DGKB: variants seen among roughly 807,000 people sequenced by gnomAD.
DGKB encodes 90 kDa diacylglycerol kinase.
Under a neutral mutation model 114.3 loss-of-function variants are expected in DGKB, and 67 were observed. The observed-to-expected ratio is 0.59, with a 90% CI of 0.48 to 0.72. The LOEUF (loss-of-function observed/expected upper bound fraction) is 0.72, where lower values mean the gene tolerates loss of function less well. Ranked by LOEUF, DGKB falls within the 30% of genes least tolerant of loss-of-function variation. The pLI, the probability that DGKB is intolerant of heterozygous loss-of-function variation, is 0.00. For missense variants in DGKB, 907 were observed against 975.2 expected, an observed-to-expected ratio of 0.93 and a Z score of 0.93; for synonymous variants, 398 against 323.1, an observed-to-expected ratio of 1.23 and a Z score of -2.49.
At chr7:14,592,635 T>G (rs1022604822) in intron 17 of DGKB, among the ~76,000 whole-genome samples, 40 of 151,964 alleles carry the variant, frequency 2.6e-4, no homozygotes, top group African/African-American at 9.7e-4. Flanking sequence ...GTACATACCT[T>G]GGTATCATTG....
intron 15 of DGKB, chr7:14,621,172 C>A (rs926762650): frequency 6.6e-6 from 3 of 451,948 alleles, no homozygotes; most frequent in South Asian, 3.5e-5. Flanking sequence ...GAGATAAAAT[C>A]ATAAATGATT....
intron 23 of DGKB, among the ~76,000 whole-genome samples, chr7:14,296,182 C>A (rs1802526953): frequency 6.6e-6 from 1 of 151,996 alleles, no homozygotes; most frequent in South Asian, 2.1e-4. Flanking sequence ...CAGGTGTGTG[C>A]CACCATGCCC....
chr7:14,417,861 T>G (rs772670517), intron 21 of DGKB, among the ~76,000 whole-genome samples: 1 of 151,620 alleles, frequency 6.6e-6, no homozygotes, highest in Admixed American at 6.6e-5. Flanking sequence ...TACCTTGCAG[T>G]AAAAAAGGAG....
intron 17 of DGKB, among the ~76,000 whole-genome samples, 153 bp downstream of exon 17, chr7:14,607,281 T>C (rs1035670538): frequency 6.6e-6 from 1 of 151,886 alleles, no homozygotes; most frequent in African/African-American, 2.4e-5. Flanking sequence ...AAACCAGTAT[T>C]TGCACTCATT....
At chr7:14,501,756 A>T (rs563576203) in intron 20 of DGKB, among the ~76,000 whole-genome samples, 5 of 152,022 alleles carry the variant, frequency 3.3e-5, no homozygotes, top group African/African-American at 1.2e-4. Flanking sequence ...ATGTCATTTT[A>T]TGTTGGATGT....
chr7:14,693,982 T>C, intron 9 of DGKB, 93 bp downstream of exon 9: 1 of 1,424,018 alleles, frequency 7.0e-7, no homozygotes, highest in South Asian at 1.4e-5. Context: ...TGCTTAATGG[T>C]AGAAAATGGT....
intron 2 of DGKB, among the ~76,000 whole-genome samples, chr7:14,820,754 G>T (rs911956659): frequency 2.0e-5 from 3 of 152,096 alleles, no homozygotes; most frequent in African/African-American, 7.2e-5. Flanking sequence ...ATTCTGTTGG[G>T]TTTAAGGCAA....
chr7:14,732,506 T>C (rs1271698495), intron 5 of DGKB, among the ~76,000 whole-genome samples: 1 of 151,930 alleles, frequency 6.6e-6, no homozygotes, highest in African/African-American at 2.4e-5. Flanking sequence ...TTTATTGTTG[T>C]CTATTGTTCC....
chr7:14,652,994 G>A (rs1206432640), intron 13 of DGKB, among the ~76,000 whole-genome samples: 1 of 151,690 alleles, frequency 6.6e-6, no homozygotes, highest in Non-Finnish European at 1.5e-5. Flanking sequence ...TCATTAAAAA[G>A]TCAGGAAACA....
intron 23 of DGKB, among the ~76,000 whole-genome samples, chr7:14,205,096 C>T (rs6949565): frequency 0.3 from 45,221 of 151,580 alleles, 8,998 homozygotes; most frequent in African/African-American, 0.55. Flanking sequence ...GATTGTATAA[C>T]AGCTAGGAAA....
chr7:14,505,528 T>C lies in DGKB; in HGVS notation c.1771-27303A>G, dbSNP rs534068652. 9.9e-5 allele frequency among the ~76,000 whole-genome samples: 15 copies of C among 152,224 alleles called. No homozygotes were observed. In the South Asian group the frequency reaches 2.9e-3, roughly 29 times the overall value. On this transcript the variant is annotated intron_variant, in intron 20 of 25. Coordinates refer to ENST00000402815, the MANE Select transcript of DGKB (RefSeq NM_001350709.2). ...CTCATTGTCATTACAGACTCACTTC[T>C]ACCTTTCACAACTTTGCTGCCTTGT...
chr7:14,301,491 C>G (rs528608827), intron 23 of DGKB, among the ~76,000 whole-genome samples: 48 of 152,234 alleles, frequency 3.2e-4, no homozygotes, highest in African/African-American at 8.9e-4. Context: ...AATTTGCATT[C>G]CATCTTCAAA....
intron 2 of DGKB, among the ~76,000 whole-genome samples, chr7:14,782,554 T>A (rs1043461125): frequency 6.6e-6 from 1 of 152,146 alleles, no homozygotes; most frequent in Non-Finnish European, 1.5e-5. Context: ...AATATTAACT[T>A]CTTGGAAAAA....
intron 23 of DGKB, among the ~76,000 whole-genome samples, chr7:14,249,076 G>GT (rs770925374): frequency 2.7e-5 from 4 of 150,766 alleles, no homozygotes; most frequent in East Asian, 3.8e-4. Flanking sequence ...TTTTTCACAT[G>GT]TTTTTTCAGC....
chr7:14,630,156 C>T, intron 14 of DGKB, 80 bp downstream of exon 14: 1 of 888,654 alleles, frequency 1.1e-6, no homozygotes, highest in Non-Finnish European at 1.6e-6. Flanking sequence ...ACTGAGCCAG[C>T]ACAAAATGTT....
At chr7:14,850,234 C>T (rs1020579076) in intron 1 of DGKB, among the ~76,000 whole-genome samples, 3 of 152,172 alleles carry the variant, frequency 2.0e-5, no homozygotes, top group Admixed American at 1.3e-4. Flanking sequence ...CATGATGAAA[C>T]TGAGTACAGG....
chr7:14,392,995 G>GTTTTTGTTTTTTTTTTTTT lies in DGKB; in HGVS notation c.1836-47605_1836-47604insAAAAAAAAAAAAACAAAAA. Among the ~76,000 whole-genome samples the GTTTTTGTTTTTTTTTTTTT allele has an allele frequency of 7.6e-3, 456 of 60,334 alleles. 11 individuals carry two copies. The highest frequency in any genetic ancestry group is 0.019 in the African/African-American group (384 of 20,510). 39.6% of individuals were successfully genotyped at this position (60,334 alleles called of 152,430 possible). A position where few individuals can be genotyped will look rare whatever the true frequency, so the allele number is the denominator to read the frequency against. On this transcript the variant is annotated intron_variant, in intron 21 of 25. Coordinates refer to ENST00000402815, the MANE Select transcript of DGKB (RefSeq NM_001350709.2). ...CAAAACAGACCTGTTTTTTGTTTTTGTTTTTTTTTTTTTGAGACGGAGTCT... is the reference window on the plus strand; with the variant it reads ...CAAAACAGACCTGTTTTTTGTTTTTGTTTTTGTTTTTTTTTTTTTTTTTTTTTTTTTTGAGACGGAGTCT...
At chr7:14,486,700 C>T (rs946035951) in intron 20 of DGKB, among the ~76,000 whole-genome samples, 10 of 152,068 alleles carry the variant, frequency 6.6e-5, no homozygotes, top group African/African-American at 2.2e-4. Flanking sequence ...TCTAGAGAGG[C>T]AAACAGAAGC....
chr7:14,394,585 A>G (rs534552502), intron 21 of DGKB, among the ~76,000 whole-genome samples: 39 of 152,230 alleles, frequency 2.6e-4, no homozygotes, highest in African/African-American at 9.1e-4. Context: ...TTCTAGCTTC[A>G]ACCCATCGAA....
Sources: gnomAD v4.1 joint callset for allele counts (sites outside exome capture counted in the v4.1 genomes callset) on GRCh38, gnomAD v4.1.1 for gene constraint, MANE v1.5 for transcripts, NCBI Gene and HGNC (gene_info 2026-07-23, HGNC 2026-07-21) for gene names.